ACTR2: variants seen among roughly 807,000 people sequenced by gnomAD.
The protein encoded by ACTR2 is actin-related protein 2.
A neutral mutation model predicts 50.2 loss-of-function variants in ACTR2; 5 were observed. That is an observed-to-expected ratio of 0.10 (90% CI 0.05 to 0.21). ACTR2 has a LOEUF of 0.21. Ranked by LOEUF, ACTR2 falls within the 10% of genes least tolerant of loss-of-function variation. The pLI is 1.00. For synonymous variants in ACTR2, 140 were observed against 162.9 expected (o/e 0.86, Z 1.07); for missense variants, 180 against 480.6 (o/e 0.37, Z 5.85).
rs1672348149 is a variant in ACTR2 at position 65,265,169 on chromosome 2, A to G, written c.1008A>G (p.Lys336=). The G allele has an allele frequency of 6.2e-7, 1 of 1,614,156 alleles. No individual in the cohort carries two copies. Among genetic ancestry groups the G allele is most frequent in the Non-Finnish European group, 8.5e-7 (1 of 1,180,006 alleles). The change falls in exon 8 of 9, where the codon AAA becomes AAG. Residue 336 remains lysine (K), a synonymous_variant. Coordinates refer to ENST00000260641, the MANE Select transcript of ACTR2 (RefSeq NM_005722.4). The part of the protein sequence containing the change: ...LERVLKGDVE[K]LSKFKIRIED... ...GAGTTTTGAAGGGTGATGTGGAAAAACTTTCTGTAAGTATTAGTAAATCAA... is the reference window on the plus strand; with the variant it reads ...GAGTTTTGAAGGGTGATGTGGAAAAGCTTTCTGTAAGTATTAGTAAATCAA...
At position 65,268,808 on chromosome 2, in the gene ACTR2, A is replaced by C; in HGVS notation, c.*74A>C. Reference sequence around the variant, plus strand: ...TATTGCCAATCTTTGAACTCATTCAACTCCAGGACATGGAAGAGGCCTCTC... The same window carrying C: ...TATTGCCAATCTTTGAACTCATTCACCTCCAGGACATGGAAGAGGCCTCTC... On this transcript the variant is annotated 3_prime_UTR_variant, in exon 9 of 9. Coordinates refer to ENST00000260641, the MANE Select transcript of ACTR2 (RefSeq NM_005722.4). The C allele has an allele frequency of 6.8e-7, 1 of 1,479,098 alleles. No individual in the cohort carries two copies. The highest frequency in any genetic ancestry group is 9.2e-7 in the Non-Finnish European group (1 of 1,088,500). 91.6% of individuals were successfully genotyped at this position (1,479,098 alleles called of 1,614,324 possible).
Position 65,239,911 on chromosome 2 carries a change from T to G in ACTR2, c.108T>G (p.Val36=), listed in dbSNP as rs372085870. Residue 36 remains valine, a synonymous_variant, in exon 2 of 9, where the codon GTT becomes GTG. Coordinates refer to ENST00000260641, the MANE Select transcript of ACTR2 (RefSeq NM_005722.4). ...CAGAACACATCTTCCCAGCTTTGGTTGGAAGACCTATTATCAGATCAACCA... is the reference window on the plus strand; with the variant it reads ...CAGAACACATCTTCCCAGCTTTGGTGGGAAGACCTATTATCAGATCAACCA... ...NFPEHIFPAL[V]GRPIIRSTTK... is the part of the protein sequence containing the mutation. The G allele has an allele frequency of 4.3e-6, 7 of 1,613,248 alleles. No individual in the cohort carries two copies. In the African/African-American group the frequency reaches 9.3e-5, roughly 22 times the overall value.
intron 3 of ACTR2, among the ~76,000 whole-genome samples, chr2:65,248,703 G>T (rs1413211738): frequency 6.6e-6 from 1 of 152,072 alleles, no homozygotes. Flanking sequence ...GGACCAGAGA[G>T]ATAGGAGGAG....
intron 6 of ACTR2, among the ~76,000 whole-genome samples, chr2:65,257,347 C>G (rs1366779424): frequency 2.0e-5 from 3 of 152,136 alleles, no homozygotes; most frequent in African/African-American, 7.2e-5. Flanking sequence ...TCCAGTCTAA[C>G]GTTGATGGGC....
chr2:65,247,712 T>TCAA (rs775462034), intron 3 of ACTR2, among the ~76,000 whole-genome samples: 16 of 152,334 alleles, frequency 1.1e-4, no homozygotes, highest in Non-Finnish European at 1.9e-4. Context: ...TTGGTCTTGC[T>TCAA]GTCTCGGGTG....
chr2:65,249,961 C>G (rs1050404368), intron 3 of ACTR2, among the ~76,000 whole-genome samples: 2 of 152,032 alleles, frequency 1.3e-5, no homozygotes, highest in Non-Finnish European at 2.9e-5. Flanking sequence ...TTCTTTCTTT[C>G]TTTTAATTTT....
At chr2:65,268,437 T>C (rs60931828) in intron 8 of ACTR2, 127 bp from the exon 9 acceptor site, 691,164 of 820,746 alleles carry the variant, frequency 0.84, 291,937 homozygotes, top group African/African-American at 0.89. Flanking sequence ...GTACCAAATA[T>C]TACGTTCTAC....
At chr2:65,260,180 C>G (rs1672240446) in intron 6 of ACTR2, among the ~76,000 whole-genome samples, 1 of 152,174 alleles carries the variant, frequency 6.6e-6, no homozygotes, top group Non-Finnish European at 1.5e-5. Context: ...AATAGTTTCA[C>G]AGAGTAATTA....
intron 6 of ACTR2, among the ~76,000 whole-genome samples, chr2:65,258,481 G>C (rs1402921524): frequency 6.6e-6 from 1 of 152,138 alleles, no homozygotes; most frequent in Non-Finnish European, 1.5e-5. Flanking sequence ...GAGAGGTTGA[G>C]GTGGGAAGAT....
At chr2:65,264,753 T>C (rs1037056829) in intron 7 of ACTR2, among the ~76,000 whole-genome samples, 6 of 152,242 alleles carry the variant, frequency 3.9e-5, no homozygotes, top group Non-Finnish European at 8.8e-5. Context: ...TAAAATAGTT[T>C]GTAATGTAAA....
chr2:65,255,908 TACTC>T (rs1254580312), intron 6 of ACTR2, among the ~76,000 whole-genome samples: 10 of 152,368 alleles, frequency 6.6e-5, no homozygotes, highest in African/African-American at 1.9e-4. Flanking sequence ...AATCATAAAT[TACTC>T]TCTATACTAG....
At chr2:65,238,625 C>A (rs1363732902) in intron 1 of ACTR2, among the ~76,000 whole-genome samples, 35 of 138,990 alleles carry the variant, frequency 2.5e-4, no homozygotes, top group African/African-American at 9.6e-4. Context: ...CGCCACTGCA[C>A]TCCACCCTGG....
In ACTR2 at chr2:65,269,251, T is replaced by C. The variant is rs1251570100; in HGVS notation, c.*517T>C. On this transcript the variant is annotated 3_prime_UTR_variant, in exon 9 of 9. Transcript: ENST00000260641. ...TTTAAGTACCTTAAAGCTTCTCCTG[T>C]GAACTTCTTAGGGAAATGTTAGGTT... 6.6e-6 allele frequency: 1 copy of C among 151,860 alleles called. No homozygotes were observed. Among genetic ancestry groups the C allele is most frequent in the Non-Finnish European group, 1.5e-5 (1 of 68,004 alleles). 9.4% of individuals were successfully genotyped at this position (151,860 alleles called of 1,614,324 possible). A position where few individuals can be genotyped will look rare whatever the true frequency, so the allele number is the denominator to read the frequency against.
At chr2:65,260,782 T>G (rs911628382) in intron 6 of ACTR2, among the ~76,000 whole-genome samples, 2 of 146,808 alleles carry the variant, frequency 1.4e-5, no homozygotes, top group African/African-American at 5.1e-5. Flanking sequence ...CCTGCTGGAG[T>G]GCAGTGGCGT....
intron 3 of ACTR2, among the ~76,000 whole-genome samples, chr2:65,249,225 T>C (rs1356232879): frequency 6.6e-6 from 1 of 152,238 alleles, no homozygotes; most frequent in Non-Finnish European, 1.5e-5. Context: ...CGAATATGTT[T>C]AAATGTTGAT....
rs908888541 is a variant in ACTR2, at chr2:65,246,697, A to G, written c.333A>G (p.Glu111=). The stretch of plus-strand genomic sequence containing the variant: ...GAAATTGTAAAATCTTACTCACAGA[A>G]CCTCCTATGAACCCAACCAAAAACA... The part of the protein sequence containing the change: ...DTRNCKILLT[E]PPMNPTKNRE... Residue 111 remains glutamate (E), a synonymous_variant, in exon 3 of 9, where the codon GAA becomes GAG. Transcript: ENST00000260641. 1.2e-6 allele frequency: 2 copies of G among 1,613,348 alleles called. No individual in the cohort carries two copies. Among genetic ancestry groups the G allele is most frequent in the Non-Finnish European group, 8.5e-7 (1 of 1,179,768 alleles).
At chr2:65,259,151 C>T (rs555880164) in intron 6 of ACTR2, among the ~76,000 whole-genome samples, 6 of 151,856 alleles carry the variant, frequency 4.0e-5, no homozygotes, top group Admixed American at 2.6e-4. Flanking sequence ...TGGCCAGGCG[C>T]GGTGGCTCTT....
intron 6 of ACTR2, among the ~76,000 whole-genome samples, chr2:65,257,252 C>CCTGTAAAGGA (rs1311447525): frequency 1.7e-3 from 265 of 152,218 alleles, no homozygotes; most frequent in African/African-American, 5.7e-3. Flanking sequence ...CCAGCTTCAC[C>CCTGTAAAGGA]CATGCCCCTG....
rs1014183016 is a variant in ACTR2 at position 65,268,882 on chromosome 2, A to G, written c.*148A>G. The G allele has an allele frequency of 2.6e-5, 23 of 868,194 alleles. No homozygotes were observed. The African/African-American group carries it at 3.6e-4, about 14-fold the overall frequency. 53.8% of individuals were successfully genotyped at this position (868,194 alleles called of 1,614,324 possible). A position where few individuals can be genotyped will look rare whatever the true frequency, so the allele number is the denominator to read the frequency against. Reference sequence around the variant, plus strand: ...AAGTTTTATTCTGGTGTCTTGGGGAAGCTTTGTTAAATTTTTGTTAATGTG... The same window carrying G: ...AAGTTTTATTCTGGTGTCTTGGGGAGGCTTTGTTAAATTTTTGTTAATGTG... On this transcript the variant is annotated 3_prime_UTR_variant, in exon 9 of 9. Transcript: ENST00000260641.
Sources: gnomAD v4.1 joint callset for allele counts (sites outside exome capture counted in the v4.1 genomes callset) on GRCh38, gnomAD v4.1.1 for gene constraint, MANE v1.5 for transcripts, NCBI Gene and HGNC (gene_info 2026-07-23, HGNC 2026-07-21) for gene names.